KANK1: variants seen among roughly 807,000 people sequenced by gnomAD.
KANK1 encodes KN motif and ankyrin repeat domains 1, also known as KN motif and ankyrin repeat domain-containing protein 1.
A neutral mutation model predicts 106.2 loss-of-function variants in KANK1; 109 were observed. That is an observed-to-expected ratio of 1.03 (90% CI 0.88 to 1.20). The LOEUF is 1.20. Among genes scored for constraint, KANK1 ranks in the 50% most tolerant of loss-of-function variants. The probability of loss-of-function intolerance (pLI) is 0.00; values close to 1 mark genes in which losing one functional copy is unlikely to be tolerated. For synonymous variants in KANK1, 873 were observed against 652.2 expected (o/e 1.34, Z -5.16); for missense variants, 2,399 against 1,710.7 (o/e 1.40, Z -7.10).
chr9:542,496 G>C (rs779270480), intron 1 of KANK1, among the ~76,000 whole-genome samples: 2 of 152,204 alleles, frequency 1.3e-5, no homozygotes, highest in Non-Finnish European at 2.9e-5. Context: ...AATAGTATGA[G>C]TATGGAAGTT....
chr9:544,886 G>C (rs1046948089), intron 1 of KANK1, among the ~76,000 whole-genome samples: 3 of 152,142 alleles, frequency 2.0e-5, no homozygotes, highest in African/African-American at 7.2e-5. Context: ...CTCAAGAGTT[G>C]TGGGAAATCA....
chr9:635,463 A>C (rs535793269), intron 1 of KANK1, among the ~76,000 whole-genome samples: 38 of 152,162 alleles, frequency 2.5e-4, no homozygotes, highest in African/African-American at 8.7e-4. Context: ...TATTTGTGCA[A>C]ACCTTTTCCC....
chr9:682,875 A>T (rs1165084597), intron 2 of KANK1, among the ~76,000 whole-genome samples: 1 of 152,222 alleles, frequency 6.6e-6, no homozygotes, highest in Non-Finnish European at 1.5e-5. Context: ...GGCTCATGGC[A>T]GGGTAGGCAG....
At chr9:626,072 C>T (rs557819032) in intron 1 of KANK1, among the ~76,000 whole-genome samples, 1 of 152,248 alleles carries the variant, frequency 6.6e-6, no homozygotes, top group African/African-American at 2.4e-5. Flanking sequence ...GGAGCTATCC[C>T]AGCTTCAATT....
chr9:745,064 G>T (rs1434478906), intron 11 of KANK1, 109 bp from the exon 12 acceptor site: 11 of 1,535,250 alleles, frequency 7.2e-6, no homozygotes, highest in Non-Finnish European at 7.9e-6. Flanking sequence ...CCTGGCTCGG[G>T]CTCACAGCTG....
intron 2 of KANK1, chr9:687,025 C>CTT (rs1201625094): frequency 1.1e-5 from 7 of 665,450 alleles, no homozygotes; most frequent in Non-Finnish European, 1.3e-5. Context: ...TGCTGAATTT[C>CTT]TTTTCTTTTC....
At chr9:742,573 G>C (rs1469674278) in intron 10 of KANK1, among the ~76,000 whole-genome samples, 168 bp downstream of exon 10, 2 of 152,166 alleles carry the variant, frequency 1.3e-5, no homozygotes, top group African/African-American at 2.4e-5. Flanking sequence ...TACACTTACT[G>C]TGTGTGTGCA....
intron 6 of KANK1, 151 bp from the exon 7 acceptor site, chr9:734,597 C>T (rs1016592644): frequency 3.4e-5 from 18 of 534,850 alleles, no homozygotes; most frequent in African/African-American, 2.5e-4. Context: ...ATCCAGGAGG[C>T]GGAGGTTGCA....
chr9:632,880 C>G (rs77092511), intron 1 of KANK1, among the ~76,000 whole-genome samples: 22,416 of 151,828 alleles, frequency 0.15, 1,799 homozygotes, highest in Admixed American at 0.17. Flanking sequence ...TCTTAGTAGA[C>G]ACGGGGTTTC....
At chr9:570,273 T>A (rs1159011165) in intron 1 of KANK1, among the ~76,000 whole-genome samples, 1 of 152,222 alleles carries the variant, frequency 6.6e-6, no homozygotes, top group Non-Finnish European at 1.5e-5. Context: ...TGTATTTTCG[T>A]CACAATGAAA....
At position 577,236 on chromosome 9, in the gene KANK1, G is replaced by A. The variant is rs143981408; in HGVS notation, c.-84+72482G>A. Among the ~76,000 whole-genome samples, 907 of 152,266 alleles carry A rather than the reference G, an allele frequency of 6.0e-3. 14 individuals carry two copies. Among genetic ancestry groups the A allele is most frequent in the African/African-American group, 0.019 (802 of 41,550 alleles). ...TATTCCCTTATTTGGCCCCGCCCAC[G>A]TCCTGCTGATTGGTCCATTTTACAG... is the stretch of plus-strand genomic sequence containing the variant. On this transcript the variant is annotated intron_variant, in intron 1 of 11. Transcript: ENST00000382297.
At chr9:501,300 G>A (rs185337386), upstream of KANK1, among the ~76,000 whole-genome samples, 1 of 152,200 alleles carries the variant, frequency 6.6e-6, no homozygotes, top group East Asian at 1.9e-4. Context: ...GCACTGACTG[G>A]TTAAAGTGGC....
rs1292879712 is a variant in KANK1 at position 645,459 on chromosome 9, A to G, written c.-83-31431A>G. ...TGTCTTAAAAAAAAAAAAAAAAAAA[A>G]AAGGCCTTAAGATAAAAAACAGTGA... is the stretch of plus-strand genomic sequence containing the variant. On this transcript the variant is annotated intron_variant, in intron 1 of 11. Coordinates refer to ENST00000382297, the MANE Select transcript of KANK1 (RefSeq NM_015158.5). 7.1e-4 allele frequency among the ~76,000 whole-genome samples: 106 copies of G among 148,976 alleles called. 3 individuals carry two copies. Among genetic ancestry groups the G allele is most frequent in the Non-Finnish European group, 5.3e-4 (36 of 67,882 alleles).
chr9:578,143 C>A (rs1367663207), intron 1 of KANK1, among the ~76,000 whole-genome samples: 2 of 152,162 alleles, frequency 1.3e-5, no homozygotes, highest in African/African-American at 4.8e-5. Context: ...AGAACTGAGC[C>A]AAATGAGGAC....
chr9:626,900 G>A (rs993519642), intron 1 of KANK1, among the ~76,000 whole-genome samples: 1 of 152,186 alleles, frequency 6.6e-6, no homozygotes, highest in African/African-American at 2.4e-5. Context: ...ATAGAAGACA[G>A]GCGGCTGCTA....
At chr9:657,090 G>A (rs893940584) in intron 1 of KANK1, among the ~76,000 whole-genome samples, 6 of 152,116 alleles carry the variant, frequency 3.9e-5, no homozygotes, top group African/African-American at 1.4e-4. Context: ...CTGTTTCTAT[G>A]ACTTTAATTA....
At chr9:654,814 TGAGAGAGAGAGAGA>T (rs57089042) in intron 1 of KANK1, among the ~76,000 whole-genome samples, 8,045 of 80,470 alleles carry the variant, frequency 0.1, 228 homozygotes, top group Non-Finnish European at 0.2. Context: ...TGTGTGTGTG[TGAGAGAGAGAGAGA>T]GAGAGAGAGA....
intron 2 of KANK1, among the ~76,000 whole-genome samples, chr9:705,962 C>CA (rs1165751763): frequency 2.0e-5 from 3 of 151,732 alleles, no homozygotes; most frequent in African/African-American, 7.3e-5. Context: ...GTACAAAAGA[C>CA]AAAAAAGTGT....
upstream of KANK1, among the ~76,000 whole-genome samples, chr9:501,194 C>G (rs924239668): frequency 1.3e-5 from 2 of 152,152 alleles, no homozygotes; most frequent in African/African-American, 4.8e-5. Flanking sequence ...AAAAGTTCAT[C>G]CACCACAAAA....
Sources: gnomAD v4.1 joint callset for allele counts (sites outside exome capture counted in the v4.1 genomes callset) on GRCh38, gnomAD v4.1.1 for gene constraint, MANE v1.5 for transcripts, NCBI Gene and HGNC (gene_info 2026-07-23, HGNC 2026-07-21) for gene names.